The following C8orf34 variants were observed in gnomAD, a reference collection of about 807,000 sequenced individuals.
C8orf34 encodes the protein uncharacterized protein C8orf34.
Under a neutral mutation model 68.3 loss-of-function variants are expected in C8orf34, and 65 were observed. The observed-to-expected ratio is 0.95, with a 90% CI of 0.78 to 1.17. C8orf34 has a LOEUF of 1.17. Among genes scored for constraint, C8orf34 ranks in the 50% most tolerant of loss-of-function variants. C8orf34 has a pLI of 0.00. For missense variants in C8orf34, 664 were observed against 655.4 expected (o/e 1.01, Z -0.14); for synonymous variants, 244 against 241.2 (o/e 1.01, Z -0.11).
chr8:68,658,983 T>C (rs1585685871), intron 8 of C8orf34, among the ~76,000 whole-genome samples: 1 of 152,184 alleles, frequency 6.6e-6, no homozygotes, highest in South Asian at 2.1e-4. Context: ...TTTCATGGCA[T>C]GTATTTTCTT....
At chr8:68,487,467 TG>T (rs35525254) in intron 4 of C8orf34, among the ~76,000 whole-genome samples, 152,310 of 152,310 alleles carry the variant, frequency 1, 76,155 homozygotes, top group Non-Finnish European at 1. Context: ...ATGTGGATGG[TG>T]GGGGAAGGAA....
intron 8 of C8orf34, among the ~76,000 whole-genome samples, chr8:68,691,446 C>T (rs1331239572): frequency 6.6e-6 from 1 of 151,984 alleles, no homozygotes; most frequent in Non-Finnish European, 1.5e-5. Flanking sequence ...TTGTGATTTT[C>T]GTTTTGTGAT....
In C8orf34 at chr8:68,776,419, A is replaced by G. The variant is rs759321182; in HGVS notation, c.1425A>G (p.Val475=). The G allele has an allele frequency of 4.3e-6, 7 of 1,613,316 alleles. No homozygotes were observed. The highest frequency in any genetic ancestry group is 5.1e-6 in the Non-Finnish European group (6 of 1,179,392). Residue 475 remains valine (V), a synonymous_variant, in exon 11 of 14, where the codon GTA becomes GTG. Coordinates refer to ENST00000518698, the MANE Select transcript of C8orf34 (RefSeq NM_052958.4). ...TCTAGGGAGAAGCCTCCAGTGGAGT[A>G]GGACACTCACTGAAAAACTACATGG... ...LTGPGEASSG[V]GHSLKNYMEE...
Position 68,782,416 on chromosome 8 carries a change from T to C in C8orf34, c.1456-5027T>C, listed in dbSNP as rs553935450. On this transcript the variant is annotated intron_variant, in intron 11 of 13. Coordinates refer to ENST00000518698, the MANE Select transcript of C8orf34 (RefSeq NM_052958.4). ...ACTGGTTTATACCTAAATGGTATAT[T>C]CCAAGATTGAGTGTCTTTTTTTTTT... 3.9e-4 allele frequency among the ~76,000 whole-genome samples: 56 copies of C among 144,814 alleles called. 1 individual carries two copies. The highest frequency in any genetic ancestry group is 1.5e-3 in the African/African-American group (55 of 37,240).
chr8:68,621,172 G>A (rs1047862848), intron 7 of C8orf34, among the ~76,000 whole-genome samples: 17 of 152,210 alleles, frequency 1.1e-4, no homozygotes, highest in African/African-American at 4.1e-4. Context: ...GCCATGGCTG[G>A]AGTCCATCCA....
At chr8:68,438,841 G>A (rs1810776306) in intron 1 of C8orf34, 1 of 152,092 alleles carries the variant, frequency 6.6e-6, no homozygotes, top group Non-Finnish European at 1.5e-5. Context: ...TATCATTAGA[G>A]CTGTCCAAAA....
intron 7 of C8orf34, among the ~76,000 whole-genome samples, chr8:68,568,871 C>A (rs1384394463): frequency 4.6e-5 from 7 of 152,014 alleles, no homozygotes; most frequent in African/African-American, 1.7e-4. Context: ...ACTTTGTGGG[C>A]CATACCGTCT....
At chr8:68,341,639 G>A (rs1242139919) in intron 1 of C8orf34, among the ~76,000 whole-genome samples, 1 of 152,066 alleles carries the variant, frequency 6.6e-6, no homozygotes, top group East Asian at 1.9e-4. Flanking sequence ...ATAGGAGTGA[G>A]TTCTCATGAG....
At chr8:68,600,943 A>G (rs1409752122) in intron 7 of C8orf34, among the ~76,000 whole-genome samples, 4 of 152,154 alleles carry the variant, frequency 2.6e-5, no homozygotes, top group African/African-American at 9.6e-5. Flanking sequence ...GCCTCTGGGT[A>G]ATCATCATTC....
At chr8:68,737,775 G>C (rs1822164546) in intron 10 of C8orf34, among the ~76,000 whole-genome samples, 1 of 152,046 alleles carries the variant, frequency 6.6e-6, no homozygotes, top group South Asian at 2.1e-4. Context: ...CATAAAGCAA[G>C]TTCTGAGAGA....
chr8:68,360,123 T>C (rs1363399763), intron 1 of C8orf34, among the ~76,000 whole-genome samples: 1 of 152,180 alleles, frequency 6.6e-6, no homozygotes, highest in Non-Finnish European at 1.5e-5. Flanking sequence ...TACCATTCTT[T>C]CTTTTCTCTC....
At chr8:68,614,769 T>C (rs1408729617) in intron 7 of C8orf34, among the ~76,000 whole-genome samples, 2 of 152,288 alleles carry the variant, frequency 1.3e-5, no homozygotes, top group Middle Eastern at 3.4e-3. Context: ...CTTGGCAATG[T>C]GGGCTCTTTT....
At chr8:68,721,827 G>A (rs148580610) in intron 10 of C8orf34, among the ~76,000 whole-genome samples, 337 of 151,990 alleles carry the variant, frequency 2.2e-3, no homozygotes, top group Non-Finnish European at 2.8e-3. Flanking sequence ...TTTTGGGAGA[G>A]AACCATTAGG....
At chr8:68,485,304 A>G (rs998191709) in intron 4 of C8orf34, among the ~76,000 whole-genome samples, 1 of 152,156 alleles carries the variant, frequency 6.6e-6, no homozygotes. Context: ...TGAATAATGG[A>G]TTCATAAATA....
chr8:68,336,375 A>T (rs950849515), intron 1 of C8orf34, among the ~76,000 whole-genome samples: 4 of 152,150 alleles, frequency 2.6e-5, no homozygotes, highest in African/African-American at 9.7e-5. Flanking sequence ...GTTACGTACA[A>T]GGTGGGGGCA....
At chr8:68,683,832 A>G (rs1302490884) in intron 8 of C8orf34, among the ~76,000 whole-genome samples, 1 of 152,120 alleles carries the variant, frequency 6.6e-6, no homozygotes, top group Non-Finnish European at 1.5e-5. Flanking sequence ...GTCCATGCCC[A>G]TAAGGGTTGG....
At chr8:68,708,911 C>T in intron 8 of C8orf34, 83 bp from the exon 9 acceptor site, 1 of 955,928 alleles carries the variant, frequency 1.0e-6, no homozygotes, top group Non-Finnish European at 1.6e-6. Context: ...TAGAAGTTCA[C>T]AGCCATGTCC....
chr8:68,536,480 A>G (rs1455359292), intron 7 of C8orf34, among the ~76,000 whole-genome samples: 6 of 151,572 alleles, frequency 4.0e-5, no homozygotes, highest in Admixed American at 2.0e-4. Flanking sequence ...AAGATATTTC[A>G]CCTTGGAAAC....
At chr8:68,597,699 G>A (rs1345842424) in intron 7 of C8orf34, among the ~76,000 whole-genome samples, 2 of 151,972 alleles carry the variant, frequency 1.3e-5, no homozygotes, top group Non-Finnish European at 2.9e-5. Context: ...AATTGATACT[G>A]TAAGAGAAGT....
Sources: gnomAD v4.1 joint callset for allele counts (sites outside exome capture counted in the v4.1 genomes callset) on GRCh38, gnomAD v4.1.1 for gene constraint, MANE v1.5 for transcripts, NCBI Gene and HGNC (gene_info 2026-07-23, HGNC 2026-07-21) for gene names.